HECW2: variants seen among roughly 807,000 people sequenced by gnomAD.
HECW2 encodes HECT, C2 and WW domain containing E3 ubiquitin protein ligase 2.
Under a neutral mutation model 175.2 loss-of-function variants are expected in HECW2, and 61 were observed. The observed-to-expected ratio is 0.35, with a 90% CI of 0.28 to 0.43. The LOEUF is 0.43. HECW2 is among the 20% of genes least tolerant of loss of function. The probability of loss-of-function intolerance (pLI) is 1.00; values close to 1 mark genes in which losing one functional copy is unlikely to be tolerated. For missense variants in HECW2, 1,524 were observed against 2,000.5 expected (o/e 0.76, Z 4.54); for synonymous variants, 671 against 731.0 (o/e 0.92, Z 1.32).
At chr2:196,468,697 T>C (rs1242455921) in intron 1 of HECW2, among the ~76,000 whole-genome samples, 2 of 152,134 alleles carry the variant, frequency 1.3e-5, no homozygotes, top group East Asian at 1.9e-4. Context: ...AAGCTACAGA[T>C]TTTCCACATG....
In HECW2 at chr2:196,309,451, T is replaced by C. The variant is rs111678512; in HGVS notation, c.2435-1366A>G. On this transcript the variant is annotated intron_variant, in intron 10 of 28. Coordinates refer to ENST00000644978, the MANE Select transcript of HECW2 (RefSeq NM_001348768.2). ...TCTTTGGGCACTGCAGTCCCATCAA[T>C]AAGACATTTTCAAAAGACCTCACGC... Among the ~76,000 whole-genome samples, 775 of 152,292 alleles carry C rather than the reference T, an allele frequency of 5.1e-3. 7 individuals carry two copies. Among genetic ancestry groups the C allele is most frequent in the Middle Eastern group, 0.017 (5 of 294 alleles).
rs1464116023 is a variant in HECW2, at chr2:196,308,028, C to G, written c.2492G>C (p.Arg831Thr). 1 of 1,602,498 alleles carries G rather than the reference C, an allele frequency of 6.2e-7. No homozygotes were observed. ...GRIFYVDHVN[R>T]TTTWQRPTAP... Reference sequence around the variant, plus strand: ...TGTCGGTCGCTGCCACGTCGTGGTTCTGTTTACGTGATCCACGTAGAAGAT... The same window carrying G: ...TGTCGGTCGCTGCCACGTCGTGGTTGTGTTTACGTGATCCACGTAGAAGAT... Residue 831 changes from arginine to threonine, a missense_variant, in exon 11 of 29, where the codon AGA (arginine) becomes ACA (threonine). This residue lies in a region of HECW2 where 82 missense variants were observed against 124.4 expected (regional missense o/e 0.66). Coordinates refer to ENST00000644978, the MANE Select transcript of HECW2 (RefSeq NM_001348768.2).
intron 2 of HECW2, among the ~76,000 whole-genome samples, chr2:196,359,650 G>A (rs1459525140): frequency 6.6e-6 from 1 of 152,194 alleles, no homozygotes; most frequent in Non-Finnish European, 1.5e-5. Context: ...GCATCCTTTG[G>A]TTAGGAGTAA....
chr2:196,237,834 T>C (rs1315825976), intron 21 of HECW2, among the ~76,000 whole-genome samples: 1 of 152,246 alleles, frequency 6.6e-6, no homozygotes, highest in Non-Finnish European at 1.5e-5. Flanking sequence ...ACTGGGATTT[T>C]TGAGGATTTC....
intron 18 of HECW2, among the ~76,000 whole-genome samples, chr2:196,255,324 C>A (rs187990031): frequency 6.6e-6 from 1 of 151,676 alleles, no homozygotes; most frequent in Admixed American, 6.6e-5. Flanking sequence ...TAAATCTATT[C>A]TTCCAGTTGA....
At chr2:196,414,393 C>T (rs1268873353) in intron 2 of HECW2, among the ~76,000 whole-genome samples, 2 of 152,194 alleles carry the variant, frequency 1.3e-5, no homozygotes, top group African/African-American at 4.8e-5. Flanking sequence ...AAACAAATCT[C>T]AGTATGTGTT....
At chr2:196,448,033 T>C (rs189606443) in intron 1 of HECW2, among the ~76,000 whole-genome samples, 1 of 152,364 alleles carries the variant, frequency 6.6e-6, no homozygotes, top group Non-Finnish European at 1.5e-5. Flanking sequence ...CACTCCATCC[T>C]CGGCAATAGA....
chr2:196,512,074 G>A (rs544734884), intron 1 of HECW2, among the ~76,000 whole-genome samples: 5 of 152,306 alleles, frequency 3.3e-5, no homozygotes, highest in South Asian at 2.1e-4. Flanking sequence ...AGCAGGTGAA[G>A]AAAATGAATG....
chr2:196,269,093 A>G (rs764334495), intron 17 of HECW2, among the ~76,000 whole-genome samples: 26 of 152,312 alleles, frequency 1.7e-4, no homozygotes, highest in East Asian at 1.9e-4. Flanking sequence ...ACCAGGTGAA[A>G]CTGGGATTTT....
chr2:196,437,835 C>T (rs1333500879), intron 1 of HECW2, among the ~76,000 whole-genome samples: 1 of 151,938 alleles, frequency 6.6e-6, no homozygotes, highest in Non-Finnish European at 1.5e-5. Flanking sequence ...AGGAGAGACT[C>T]CAAGGACAGT....
intron 1 of HECW2, among the ~76,000 whole-genome samples, chr2:196,443,677 C>T (rs150294440): frequency 1.1e-4 from 17 of 152,208 alleles, no homozygotes; most frequent in African/African-American, 3.6e-4. Flanking sequence ...AAAGAAGAAA[C>T]GAAAACAAGA....
chr2:196,393,230 G>T (rs1694564154), intron 2 of HECW2, among the ~76,000 whole-genome samples: 1 of 152,118 alleles, frequency 6.6e-6, no homozygotes, highest in Non-Finnish European at 1.5e-5. Flanking sequence ...TCAGGACATA[G>T]GCATAGACAA....
chr2:196,512,123 G>C (rs889653519), intron 1 of HECW2, among the ~76,000 whole-genome samples: 2 of 152,194 alleles, frequency 1.3e-5, no homozygotes, highest in Non-Finnish European at 2.9e-5. Context: ...AAGACCTGTG[G>C]AGACCTGGAG....
intron 2 of HECW2, among the ~76,000 whole-genome samples, chr2:196,381,338 C>T (rs1694201381): frequency 1.3e-5 from 2 of 152,152 alleles, no homozygotes; most frequent in Admixed American, 1.3e-4. Context: ...ATGATAGTAG[C>T]TTCTATGAAG....
chr2:196,526,616 C>T (rs959180157), intron 1 of HECW2, among the ~76,000 whole-genome samples: 2 of 139,372 alleles, frequency 1.4e-5, no homozygotes, highest in African/African-American at 6.4e-5. Context: ...GTTTTATCTA[C>T]TTTTGGTCTT....
chr2:196,226,238 ACT>A (rs368967643), intron 22 of HECW2, among the ~76,000 whole-genome samples: 1 of 148,650 alleles, frequency 6.7e-6, no homozygotes, highest in African/African-American at 2.5e-5. Flanking sequence ...ACACACACAC[ACT>A]CTCTCTCTCT....
chr2:196,433,102 TCA>T, intron 2 of HECW2, 28 bp downstream of exon 2: 2 of 1,562,076 alleles, frequency 1.3e-6, no homozygotes, highest in Non-Finnish European at 1.7e-6. Flanking sequence ...ATGCTCTGAG[TCA>T]CATGCAAGTC....
At chr2:196,278,436 A>G in intron 15 of HECW2, 92 bp downstream of exon 15, 2 of 1,424,248 alleles carry the variant, frequency 1.4e-6, no homozygotes, top group East Asian at 4.7e-5. Context: ...AAAAGAAAAA[A>G]TGCTTTAAAA....
chr2:196,444,630 A>G (rs986643281), intron 1 of HECW2, among the ~76,000 whole-genome samples: 1 of 152,136 alleles, frequency 6.6e-6, no homozygotes, highest in African/African-American at 2.4e-5. Context: ...TTCAATGCCA[A>G]CCCTTCCAAT....
Sources: gnomAD v4.1 joint callset for allele counts (sites outside exome capture counted in the v4.1 genomes callset) on GRCh38, gnomAD v4.1.1 for gene constraint, gnomAD v4.1.1 regional missense constraint, MANE v1.5 for transcripts, NCBI Gene and HGNC (gene_info 2026-07-23, HGNC 2026-07-21) for gene names.